The following TLN2 variants were observed in gnomAD, a reference collection of about 807,000 sequenced individuals.
TLN2 encodes talin-2.
A neutral mutation model predicts 294.7 loss-of-function variants in TLN2; 118 were observed. The ratio of observed to expected loss-of-function variants is 0.40; its 90% CI spans 0.34 to 0.47. The LOEUF is 0.47. Ranked by LOEUF, TLN2 falls within the 20% of genes least tolerant of loss-of-function variation. TLN2 has a pLI of 0.84. For missense variants in TLN2, 3,083 were observed against 3,282.2 expected (o/e 0.94, Z 1.48); for synonymous variants, 1,431 against 1,304.5 (o/e 1.10, Z -2.09).
chr15:62,608,092 C>T (rs758075462), intron 2 of TLN2, among the ~76,000 whole-genome samples: 3 of 152,148 alleles, frequency 2.0e-5, no homozygotes, highest in Non-Finnish European at 2.9e-5. Context: ...TCTACTACCC[C>T]CATCCCCCCA....
At chr15:62,691,790 C>T (rs1047259722) in intron 12 of TLN2, among the ~76,000 whole-genome samples, 2 of 151,880 alleles carry the variant, frequency 1.3e-5, no homozygotes, top group African/African-American at 4.8e-5. Flanking sequence ...CTCCCTCAGC[C>T]TCTTGAGGAG....
At chr15:62,523,355 T>C (rs1394209098) in intron 1 of TLN2, among the ~76,000 whole-genome samples, 2 of 152,244 alleles carry the variant, frequency 1.3e-5, no homozygotes, top group Non-Finnish European at 2.9e-5. Flanking sequence ...AAATACTTTG[T>C]ACAAACCTGC....
intron 1 of TLN2, among the ~76,000 whole-genome samples, chr15:62,493,936 A>G (rs2038883587): frequency 6.6e-6 from 1 of 152,118 alleles, no homozygotes; most frequent in African/African-American, 2.4e-5. Context: ...GTAAGTAAAT[A>G]ACAATCTCCT....
chr15:62,698,923 T>C, intron 16 of TLN2, 56 bp downstream of exon 16: 4 of 1,496,016 alleles, frequency 2.7e-6, no homozygotes, highest in Non-Finnish European at 3.7e-6. Context: ...GAAAGCAGGG[T>C]TATATACTCT....
intron 22 of TLN2, among the ~76,000 whole-genome samples, chr15:62,714,432 G>A (rs1456437074): frequency 6.6e-6 from 1 of 151,894 alleles, no homozygotes; most frequent in Non-Finnish European, 1.5e-5. Flanking sequence ...TCGATCTCCT[G>A]ACCTTGTGAT....
In TLN2 at chr15:62,707,226, CA is replaced by C; in HGVS notation, c.2146del (p.Thr716ProfsTer11). The C allele has an allele frequency of 6.2e-7, 1 of 1,612,932 alleles. No individual in the cohort carries two copies. The highest frequency in any genetic ancestry group is 8.5e-7 in the Non-Finnish European group (1 of 1,179,250). On this transcript the variant is annotated frameshift_variant, in exon 20 of 59. Coordinates refer to ENST00000636159, the MANE Select transcript of TLN2 (RefSeq NM_015059.3). LOFTEE classifies it high-confidence loss of function. ...CTGCTGCCACCCAGTGTGCCCTCTC[CA>C]CCTCCCAGCTTGTGGCATGTGCCAA... is the stretch of plus-strand genomic sequence containing the variant. ...IAAATQCALS[T>X]SQLVACAKVV...
chr15:62,827,058 A>G (rs1356169138), intron 54 of TLN2, among the ~76,000 whole-genome samples: 1 of 94,478 alleles, frequency 1.1e-5, no homozygotes, highest in Non-Finnish European at 2.4e-5. Context: ...AGCTCTCAAC[A>G]AAGCATTCCC....
At chr15:62,591,950 G>A (rs1388707013) in intron 2 of TLN2, among the ~76,000 whole-genome samples, 1 of 152,118 alleles carries the variant, frequency 6.6e-6, no homozygotes, top group East Asian at 1.9e-4. Context: ...AAAAGACCTG[G>A]GGCACAGTGG....
chr15:62,672,009 C>G lies in TLN2; in HGVS notation c.789-1818C>G, dbSNP rs753931888. Among the ~76,000 whole-genome samples, 5 of 152,052 alleles carry G rather than the reference C, an allele frequency of 3.3e-5. No individual in the cohort carries two copies. In the East Asian group the frequency reaches 9.6e-4, roughly 29 times the overall value. ...GGGAGGCATATATTATCTGGTTATT[C>G]TGCTTTGATTAATATTAAAATTGAT... On this transcript the variant is annotated intron_variant, in intron 9 of 58. Coordinates refer to ENST00000636159, the MANE Select transcript of TLN2 (RefSeq NM_015059.3).
intron 1 of TLN2, among the ~76,000 whole-genome samples, chr15:62,510,945 T>G (rs1300033547): frequency 1.3e-5 from 2 of 152,256 alleles, no homozygotes; most frequent in Admixed American, 6.5e-5. Flanking sequence ...ACAAAGATTG[T>G]CCTTTGGCCC....
chr15:62,407,736 G>C (rs920136451), intron 1 of TLN2, among the ~76,000 whole-genome samples: 2 of 152,146 alleles, frequency 1.3e-5, no homozygotes, highest in Non-Finnish European at 2.9e-5. Flanking sequence ...GGCCAACATG[G>C]AGAAACCCCA....
intron 21 of TLN2, among the ~76,000 whole-genome samples, chr15:62,709,873 T>A (rs11071687): frequency 0.86 from 131,272 of 152,102 alleles, 58,454 homozygotes; most frequent in Non-Finnish European, 0.97. Context: ...TAGCTGGGAT[T>A]ACAGGCGCCT....
chr15:62,537,515 T>TA (rs2140513127), intron 1 of TLN2, among the ~76,000 whole-genome samples: 1 of 152,320 alleles, frequency 6.6e-6, no homozygotes, highest in African/African-American at 2.4e-5. Context: ...TAAAACACTG[T>TA]AAAAAAGATG....
At chr15:62,640,413 C>T (rs983420000) in intron 3 of TLN2, 3 of 452,346 alleles carry the variant, frequency 6.6e-6, no homozygotes, top group Non-Finnish European at 8.9e-6. Context: ...CTCTTGTAGA[C>T]CTCCACGGCC....
chr15:62,516,376 A>G (rs907012332), intron 1 of TLN2, among the ~76,000 whole-genome samples: 3 of 152,148 alleles, frequency 2.0e-5, no homozygotes, highest in Admixed American at 6.5e-5. Flanking sequence ...GTGTTTTTAT[A>G]TGGGTCATAG....
chr15:62,619,944 C>T (rs2048643954), intron 3 of TLN2, among the ~76,000 whole-genome samples: 1 of 152,098 alleles, frequency 6.6e-6, no homozygotes, highest in African/African-American at 2.4e-5. Flanking sequence ...TCCCATTGAC[C>T]TTCAGCTTTA....
In TLN2 at chr15:62,702,047, T is replaced by G. The variant is rs1270636036; in HGVS notation, c.1752T>G (p.Ser584=). 6.2e-7 allele frequency: 1 copy of G among 1,614,124 alleles called. No homozygotes were observed. Among genetic ancestry groups the G allele is most frequent in the Non-Finnish European group, 8.5e-7 (1 of 1,180,058 alleles). ...TGGGATGTGCGATCACCACTATTTCTTCCAACCTGACGGAGATGTCCAAGG... is the reference window on the plus strand; with the variant it reads ...TGGGATGTGCGATCACCACTATTTCGTCCAACCTGACGGAGATGTCCAAGG... ...TAVGCAITTI[S]SNLTEMSKGV... The change falls in exon 18 of 59, where the codon TCT becomes TCG. Residue 584 remains serine (S), a synonymous_variant. Coordinates refer to ENST00000636159, the MANE Select transcript of TLN2 (RefSeq NM_015059.3).
At chr15:62,493,081 C>G (rs1022874009) in intron 1 of TLN2, among the ~76,000 whole-genome samples, 1 of 152,074 alleles carries the variant, frequency 6.6e-6, no homozygotes, top group Non-Finnish European at 1.5e-5. Context: ...GGTGCTTGGT[C>G]GGATGTTCAT....
intron 1 of TLN2, among the ~76,000 whole-genome samples, chr15:62,391,643 G>A (rs1007623424): frequency 6.6e-6 from 1 of 152,160 alleles, no homozygotes; most frequent in Non-Finnish European, 1.5e-5. Context: ...GAAAGTTTGC[G>A]CGCCGAGGCA....
Sources: allele counts gnomAD v4.1 joint callset (sites outside exome capture counted in the v4.1 genomes callset), GRCh38; gene constraint gnomAD v4.1.1; transcripts MANE v1.5; gene names NCBI Gene and HGNC (gene_info 2026-07-23, HGNC 2026-07-21).